The following DRP2 variants were observed in gnomAD, a reference collection of about 807,000 sequenced individuals.
The protein encoded by DRP2 is dystrophin related protein 2, also known as dystrophin-related protein 2.
A neutral mutation model predicts 78.2 loss-of-function variants in DRP2; 29 were observed. That is an observed-to-expected ratio of 0.37 (90% CI 0.28 to 0.51). The LOEUF (loss-of-function observed/expected upper bound fraction) is 0.51. Among genes scored for constraint, DRP2 ranks in the 20% least tolerant of loss-of-function variants. The probability of loss-of-function intolerance (pLI) is 0.94; values close to 1 mark genes in which losing one functional copy is unlikely to be tolerated. For missense variants in DRP2, 686 were observed against 770.6 expected (o/e 0.89, Z 1.30); for synonymous variants, 290 against 281.9 (o/e 1.03, Z -0.29).
In DRP2 at chrX:101,233,913, C is replaced by T. The variant is rs1452484011; in HGVS notation, c.118-1947C>T. ...AGCGAGAGGTCTGAGGGCTATGGCT[C>T]TCCCTCCACTCCTCTCTGCCTCTCA... On this transcript the variant is annotated intron_variant, in intron 3 of 23. Coordinates refer to ENST00000395209, the MANE Select transcript of DRP2 (RefSeq NM_001939.3). Among the ~76,000 whole-genome samples, 5 of 112,037 alleles carry T rather than the reference C, an allele frequency of 4.5e-5. No individual in the cohort carries two copies. The Admixed American group carries it at 4.7e-4, about 11-fold the overall frequency.
rs1037239014 is a variant in DRP2 at position 101,237,894 on chromosome X, T to C, written c.438+119T>C. 1.1e-5 allele frequency: 8 copies of C among 726,254 alleles called. No homozygotes were observed. In the African/African-American group the frequency reaches 1.7e-4, roughly 16 times the overall value. 59.9% of individuals were successfully genotyped at this position (726,254 alleles called of 1,213,427 possible). Reference sequence around the variant, plus strand: ...ACACCTAAATGAATAGGAGGCTGTATGCAGTCCTATTAGTCTGTGGCTAGC... The same window carrying C: ...ACACCTAAATGAATAGGAGGCTGTACGCAGTCCTATTAGTCTGTGGCTAGC... On this transcript the variant is annotated intron_variant, in intron 5 of 23. Coordinates refer to ENST00000395209, the MANE Select transcript of DRP2 (RefSeq NM_001939.3).
chrX:101,225,445 T>G (rs1445526680), intron 2 of DRP2, among the ~76,000 whole-genome samples: 1 of 111,660 alleles, frequency 9.0e-6, no homozygotes, highest in Non-Finnish European at 1.9e-5. Context: ...TCACGATGTA[T>G]TCACAATATG....
rs1569507486 is a variant in DRP2 at position 101,224,185 on chromosome X, TTTTTTG to T, written c.-166-413_-166-408del. On this transcript the variant is annotated intron_variant, in intron 1 of 23. Transcript: ENST00000395209. ...AAGAATAATAAATGTTTGCTGGGTT[TTTTTTG>T]TTTTTTTTTTTTTTTTTTTTTTTTT... 1.1e-3 allele frequency among the ~76,000 whole-genome samples: 75 copies of T among 66,978 alleles called. 2 individuals are homozygous for T. Among genetic ancestry groups the T allele is most frequent in the African/African-American group, 5.2e-3 (73 of 14,009 alleles). 58.2% of individuals were successfully genotyped at this position (66,978 alleles called of 115,157 possible).
chrX:101,241,542 A>T (rs1489248544), intron 6 of DRP2, 126 bp from the exon 7 acceptor site: 12 of 747,945 alleles, frequency 1.6e-5, no homozygotes, highest in Non-Finnish European at 2.3e-5. Context: ...GTATGAATAT[A>T]TACACAAACA....
chrX:101,221,110 G>C (rs1304034086), intron 1 of DRP2, among the ~76,000 whole-genome samples: 1 of 112,139 alleles, frequency 8.9e-6, no homozygotes, highest in Non-Finnish European at 1.9e-5. Flanking sequence ...GGGGTGGAGT[G>C]GGGTAGAGGA....
chrX:101,242,986 C>T lies in DRP2; in HGVS notation c.1054+4C>T, dbSNP rs1187231753. On this transcript the variant is annotated splice_donor_region_variant and intron_variant, in intron 9 of 23. Transcript: ENST00000395209. ...GGGTCACAGCACTTTCTCTCCTGTA[C>T]GTGAACCAAACTGGACTCCACTTAG... 2 of 1,208,089 alleles carry T rather than the reference C, an allele frequency of 1.7e-6. No homozygotes were observed. Among genetic ancestry groups the T allele is most frequent in the Non-Finnish European group, 2.2e-6 (2 of 892,695 alleles).
rs1174178886 is a variant in DRP2, at chrX:101,224,726, C to G, written c.-64+20C>G. 2 of 111,672 alleles carry G rather than the reference C, an allele frequency of 1.8e-5. No individual in the cohort carries two copies. Among genetic ancestry groups the G allele is most frequent in the Non-Finnish European group, 3.8e-5 (2 of 53,328 alleles). 9.2% of individuals were successfully genotyped at this position (111,672 alleles called of 1,213,427 possible). A position where few individuals can be genotyped will look rare whatever the true frequency, so the allele number is the denominator to read the frequency against. The stretch of plus-strand genomic sequence containing the variant: ...TAAGAGGTAGGTCTTTTTGTTATCC[C>G]TGTTTCACAGATGTGGGGACTGGAG... On this transcript the variant is annotated intron_variant, in intron 2 of 23. Transcript: ENST00000395209.
intron 1 of DRP2, among the ~76,000 whole-genome samples, chrX:101,224,284 T>A (rs760636816): frequency 1.2e-5 from 1 of 82,739 alleles, no homozygotes; most frequent in Non-Finnish European, 2.2e-5. Context: ...GCTGGGAGGC[T>A]GAGGCAAGAT....
In DRP2 at chrX:101,256,196, C is replaced by T. The variant is rs1357401133; in HGVS notation, c.2325C>T (p.Cys775=). ...REPAFGQQAP[C]SVATESKGEL... The stretch of plus-strand genomic sequence containing the variant: ...CAGCCTTTGGACAGCAGGCTCCATG[C>T]AGTGTGGCCACAGAAAGCAAAGGGG... Residue 775 remains cysteine (C), a synonymous_variant, in exon 21 of 24, where the codon TGC becomes TGT. Transcript: ENST00000395209. The T allele has an allele frequency of 7.5e-6, 9 of 1,206,204 alleles. No individual in the cohort carries two copies. Among genetic ancestry groups the T allele is most frequent in the Non-Finnish European group, 1.0e-5 (9 of 893,698 alleles).
intron 16 of DRP2, 42 bp from the exon 17 acceptor site, chrX:101,252,563 C>T: frequency 9.1e-7 from 1 of 1,096,891 alleles, no homozygotes; most frequent in South Asian, 1.9e-5. Flanking sequence ...GTCACTGTGG[C>T]ACGTTGGACT....
chrX:101,251,242 T>C, intron 16 of DRP2, 159 bp downstream of exon 16: 1 of 497,227 alleles, frequency 2.0e-6, no homozygotes, highest in Non-Finnish European at 3.0e-6. Context: ...TTGCAGAATG[T>C]TTAATTGTTT....
At chrX:101,238,435 G>A (rs143631867) in intron 5 of DRP2, among the ~76,000 whole-genome samples, 1,289 of 95,550 alleles carry the variant, frequency 0.013, 13 homozygotes, top group Middle Eastern at 0.099. Flanking sequence ...TTAAAAATAG[G>A]CAAAACTAAT....
intron 9 of DRP2, among the ~76,000 whole-genome samples, chrX:101,243,977 A>G (rs1922835756): frequency 8.9e-6 from 1 of 111,851 alleles, no homozygotes; most frequent in Non-Finnish European, 1.9e-5. Context: ...CCTTTAAGGT[A>G]AGGATGTGTC....
chrX:101,241,981 A>AC (rs780755386), intron 7 of DRP2, 45 bp downstream of exon 7: 313 of 1,128,137 alleles, frequency 2.8e-4, no homozygotes, highest in Non-Finnish European at 3.3e-4. Flanking sequence ...CTGAGACCTG[A>AC]CACTCTCCCC....
intron 22 of DRP2, 22 bp from the exon 23 acceptor site, chrX:101,260,027 G>A (rs1853597040): frequency 8.3e-7 from 1 of 1,208,972 alleles, no homozygotes; most frequent in Non-Finnish European, 1.1e-6. Flanking sequence ...ATCCACTTAA[G>A]TCATGCCTTA....
rs1378376474 is a variant in DRP2, at chrX:101,239,025, T to C, written c.483T>C (p.Ser161=). The change falls in exon 6 of 24, where the codon TCT becomes TCC. Residue 161 remains serine (S), a synonymous_variant. Coordinates refer to ENST00000395209, the MANE Select transcript of DRP2 (RefSeq NM_001939.3). The part of the protein sequence containing the change: ...EVKSRGPYIY[S]VLESAQAFLS... ...AGTCTCGGGGCCCCTACATCTATTC[T>C]GTGCTGGAGTCAGCTCAGGCCTTCC... The C allele has an allele frequency of 2.5e-6, 3 of 1,211,555 alleles. No individual in the cohort carries two copies. The highest frequency in any genetic ancestry group is 1.8e-5 in the South Asian group (1 of 56,901).
chrX:101,259,917 T>C (rs1923483945), intron 22 of DRP2, 132 bp from the exon 23 acceptor site: 1 of 846,536 alleles, frequency 1.2e-6, no homozygotes, highest in Non-Finnish European at 1.7e-6. Context: ...TTTTAGGTAA[T>C]ACCAAAAGCT....
intron 1 of DRP2, among the ~76,000 whole-genome samples, chrX:101,224,191 G>GTTTTGTTTTGTTTTTTTTTTTTTTT (rs1922007763): frequency 7.7e-5 from 3 of 38,868 alleles, no homozygotes; most frequent in African/African-American, 3.8e-4. Flanking sequence ...GGTTTTTTTT[G>GTTTTGTTTTGTTTTTTTTTTTTTTT]TTTTTTTTTT....
chrX:101,237,354 C>T (rs917754135), intron 4 of DRP2, among the ~76,000 whole-genome samples: 34 of 111,389 alleles, frequency 3.1e-4, no homozygotes, highest in African/African-American at 1.0e-3. Context: ...CACAAAGTGA[C>T]ATTTTAAGCC....
Sources: gnomAD v4.1 joint callset for allele counts (sites outside exome capture counted in the v4.1 genomes callset) on GRCh38, gnomAD v4.1.1 for gene constraint, MANE v1.5 for transcripts, NCBI Gene and HGNC (gene_info 2026-07-23, HGNC 2026-07-21) for gene names.